The following TCF7L1 variants were observed in gnomAD, a reference collection of about 807,000 sequenced individuals.
The protein encoded by TCF7L1 is transcription factor 7-like 1.
In TCF7L1, 18 loss-of-function variants were observed where a neutral mutation model predicts 63.7. The ratio of observed to expected loss-of-function variants is 0.28; its 90% CI spans 0.20 to 0.42. The LOEUF is 0.42. Ranked by LOEUF, TCF7L1 falls within the 10% of genes least tolerant of loss-of-function variation. The pLI is 1.00. For synonymous variants in TCF7L1, 355 were observed against 340.9 expected, an observed-to-expected ratio of 1.04 and a Z score of -0.46; for missense variants, 654 against 779.3, an observed-to-expected ratio of 0.84 and a Z score of 1.91.
At chr2:85,264,330 G>A (rs940196115) in intron 3 of TCF7L1, among the ~76,000 whole-genome samples, 6 of 152,168 alleles carry the variant, frequency 3.9e-5, no homozygotes, top group African/African-American at 1.2e-4. Context: ...ATGAGAATTT[G>A]GCCAGTGGAC....
chr2:85,216,645 C>A lies in TCF7L1; in HGVS notation c.442-66850C>A, dbSNP rs551937302. ...CCAACGTTAGCCCCTTCCTCCCGGC[C>A]CTGGAAGAATGCCTGGTGTGTGTGC... On this transcript the variant is annotated intron_variant, in intron 3 of 11. Coordinates refer to ENST00000282111, the MANE Select transcript of TCF7L1 (RefSeq NM_031283.3). Among the ~76,000 whole-genome samples the A allele has an allele frequency of 2.6e-4, 40 of 152,182 alleles. 1 individual carries two copies. In the South Asian group the frequency reaches 8.3e-3, roughly 32 times the overall value.
At chr2:85,197,675 C>T (rs183515092) in intron 3 of TCF7L1, among the ~76,000 whole-genome samples, 1 of 152,332 alleles carries the variant, frequency 6.6e-6, no homozygotes, top group Middle Eastern at 3.4e-3. Context: ...AACTGTCAAT[C>T]GTCACCCTGC....
In TCF7L1 at chr2:85,184,369, G is replaced by A. The variant is rs1281500732; in HGVS notation, c.441+49919G>A. Among the ~76,000 whole-genome samples the A allele has an allele frequency of 2.6e-5, 4 of 152,280 alleles. 1 individual carries two copies. In the Middle Eastern group the frequency reaches 0.01, roughly 388 times the overall value. On this transcript the variant is annotated intron_variant, in intron 3 of 11. Coordinates refer to ENST00000282111, the MANE Select transcript of TCF7L1 (RefSeq NM_031283.3). ...GGCTGGCAGGGGAGAGGCAGTGTTC[G>A]GGAAAGTGGAGTCCGCCTGAAGATT...
chr2:85,210,703 T>G (rs1346473854), intron 3 of TCF7L1, among the ~76,000 whole-genome samples: 1 of 152,164 alleles, frequency 6.6e-6, no homozygotes, highest in Admixed American at 6.5e-5. Flanking sequence ...GGCAAGGGAA[T>G]AGCGACTTAG....
intron 3 of TCF7L1, among the ~76,000 whole-genome samples, chr2:85,234,770 G>T (rs1213586623): frequency 2.0e-5 from 3 of 152,158 alleles, no homozygotes; most frequent in African/African-American, 7.2e-5. Context: ...TCAGAATAGG[G>T]CTTTGTCGTC....
intron 3 of TCF7L1, among the ~76,000 whole-genome samples, chr2:85,266,856 A>T (rs557844567): frequency 5.3e-5 from 8 of 152,316 alleles, no homozygotes; most frequent in African/African-American, 1.7e-4. Context: ...AACCTGATCC[A>T]TCATAGCTGT....
At chr2:85,261,620 G>C (rs1042757166) in intron 3 of TCF7L1, among the ~76,000 whole-genome samples, 12 of 152,226 alleles carry the variant, frequency 7.9e-5, no homozygotes, top group African/African-American at 2.9e-4. Context: ...AGCCAAGCGT[G>C]GTGGCTCACA....
At chr2:85,236,767 A>G (rs1680202128) in intron 3 of TCF7L1, among the ~76,000 whole-genome samples, 1 of 152,118 alleles carries the variant, frequency 6.6e-6, no homozygotes, top group Non-Finnish European at 1.5e-5. Flanking sequence ...CAAAGTAACA[A>G]TTTCATTTTA....
intron 3 of TCF7L1, among the ~76,000 whole-genome samples, chr2:85,246,082 C>CT (rs1680457586): frequency 1.3e-5 from 2 of 152,294 alleles, no homozygotes; most frequent in African/African-American, 4.8e-5. Context: ...TTTATTGCTT[C>CT]TGCTAGTGGT....
chr2:85,209,498 C>T (rs917290133), intron 3 of TCF7L1, among the ~76,000 whole-genome samples: 1 of 152,182 alleles, frequency 6.6e-6, no homozygotes, highest in Non-Finnish European at 1.5e-5. Context: ...TGTTTGAAAC[C>T]TCAATGCCCT....
intron 4 of TCF7L1, among the ~76,000 whole-genome samples, chr2:85,291,554 GGTTTTA>G (rs1190160090): frequency 1.1e-4 from 16 of 146,376 alleles, no homozygotes; most frequent in East Asian, 1.0e-3. Flanking sequence ...TGTTTGTTTT[GGTTTTA>G]GTTTTGGTTT....
chr2:85,277,248 G>A (rs1441847011), intron 3 of TCF7L1, among the ~76,000 whole-genome samples: 1 of 152,190 alleles, frequency 6.6e-6, no homozygotes, highest in Non-Finnish European at 1.5e-5. Context: ...AGAAACGACT[G>A]CAACTGTGGC....
At chr2:85,268,941 T>C (rs1373455898) in intron 3 of TCF7L1, among the ~76,000 whole-genome samples, 2 of 151,804 alleles carry the variant, frequency 1.3e-5, no homozygotes, top group Non-Finnish European at 2.9e-5. Flanking sequence ...AAGACAGTGG[T>C]AGTTGAGATT....
At chr2:85,303,563 G>A in intron 5 of TCF7L1, 1 of 245,894 alleles carries the variant, frequency 4.1e-6, no homozygotes, top group Middle Eastern at 1.2e-3. Flanking sequence ...TAGAGACTTG[G>A]TTCACCAGTG....
At chr2:85,146,283 G>A (rs1677878337) in intron 3 of TCF7L1, among the ~76,000 whole-genome samples, 1 of 152,096 alleles carries the variant, frequency 6.6e-6, no homozygotes, top group East Asian at 1.9e-4. Flanking sequence ...CACCTCCCCA[G>A]AAGGTGATAG....
intron 3 of TCF7L1, among the ~76,000 whole-genome samples, chr2:85,210,937 A>G (rs1572993233): frequency 6.6e-6 from 1 of 152,148 alleles, no homozygotes; most frequent in Admixed American, 6.5e-5. Context: ...GAGCCCAGGA[A>G]CCTGCGCGAG....
At chr2:85,227,093 C>T (rs1484589405) in intron 3 of TCF7L1, among the ~76,000 whole-genome samples, 1 of 152,162 alleles carries the variant, frequency 6.6e-6, no homozygotes, top group Non-Finnish European at 1.5e-5. Context: ...CACTTGGTCT[C>T]CAGAGTGAGT....
Position 85,298,918 on chromosome 2 carries a change from C to T in TCF7L1, c.526-3566C>T, listed in dbSNP as rs139714956. On this transcript the variant is annotated intron_variant, in intron 4 of 11. Transcript: ENST00000282111. ...CTTCTAGGAGGCCACTATCTACTTA[C>T]CGCCTTCCCTCCCGGTTCATTTTCT... Among the ~76,000 whole-genome samples, 7 of 152,160 alleles carry T rather than the reference C, an allele frequency of 4.6e-5. No individual in the cohort carries two copies. The East Asian group carries it at 1.4e-3, about 29-fold the overall frequency.
intron 3 of TCF7L1, among the ~76,000 whole-genome samples, chr2:85,266,786 C>T (rs1026507682): frequency 6.6e-6 from 1 of 152,204 alleles, no homozygotes; most frequent in African/African-American, 2.4e-5. Flanking sequence ...TATTGATTTG[C>T]TTACATTAGT....
Sources: allele counts gnomAD v4.1 joint callset (sites outside exome capture counted in the v4.1 genomes callset), GRCh38; gene constraint gnomAD v4.1.1; transcripts MANE v1.5; gene names NCBI Gene and HGNC (gene_info 2026-07-23, HGNC 2026-07-21).